The following CFAP54 variants were observed in gnomAD, a reference collection of about 807,000 sequenced individuals.
The protein encoded by CFAP54 is cilia and flagella associated protein 54, also known as cilia- and flagella-associated protein 54.
Under a neutral mutation model 370.4 loss-of-function variants are expected in CFAP54, and 290 were observed. The observed-to-expected ratio is 0.78, with a 90% CI of 0.71 to 0.86. CFAP54 has a LOEUF of 0.86. Ranked by LOEUF, CFAP54 falls within the 40% of genes least tolerant of loss-of-function variation. The probability of loss-of-function intolerance (pLI) is 0.00; values close to 1 mark genes in which losing one functional copy is unlikely to be tolerated. For synonymous variants in CFAP54, 1,206 were observed against 1,236.5 expected, an observed-to-expected ratio of 0.98 and a Z score of 0.52; for missense variants, 3,399 against 3,528.7, an observed-to-expected ratio of 0.96 and a Z score of 0.93.
At chr12:96,512,520 A>G (rs1955184742) in intron 4 of CFAP54, among the ~76,000 whole-genome samples, 1 of 151,388 alleles carries the variant, frequency 6.6e-6, no homozygotes, top group Admixed American at 6.6e-5. Flanking sequence ...TTTTTGTATT[A>G]TTAGTAGAAA....
chr12:96,779,114 A>C (rs1958555831), intron 60 of CFAP54, among the ~76,000 whole-genome samples: 2 of 151,784 alleles, frequency 1.3e-5, no homozygotes, highest in African/African-American at 4.8e-5. Flanking sequence ...TCTCAAAAAA[A>C]AAAAAAAAAA....
chr12:96,626,036 T>C (rs1956546239), intron 29 of CFAP54, among the ~76,000 whole-genome samples: 1 of 152,166 alleles, frequency 6.6e-6, no homozygotes, highest in South Asian at 2.1e-4. Flanking sequence ...GATGGTGGCT[T>C]ATTTTGGTAG....
intron 40 of CFAP54, 55 bp from the exon 41 acceptor site, chr12:96,684,593 A>T: frequency 1.4e-6 from 2 of 1,472,968 alleles, no homozygotes; most frequent in Non-Finnish European, 9.3e-7. Flanking sequence ...TGCAAATATA[A>T]AAAAATATTT....
intron 44 of CFAP54, among the ~76,000 whole-genome samples, chr12:96,691,980 G>T (rs867090221): frequency 6.7e-6 from 1 of 148,878 alleles, no homozygotes; most frequent in Admixed American, 6.7e-5. Flanking sequence ...TTATTTTTTC[G>T]CATCTCTTTT....
chr12:96,772,062 A>G (rs1958468362), intron 60 of CFAP54, among the ~76,000 whole-genome samples: 1 of 152,226 alleles, frequency 6.6e-6, no homozygotes, highest in Non-Finnish European at 1.5e-5. Context: ...TCTAATATGT[A>G]TGGAGTGTTT....
chr12:96,832,259 CT>C (rs1287744940), intron 66 of CFAP54, among the ~76,000 whole-genome samples: 1 of 106,892 alleles, frequency 9.4e-6, no homozygotes, highest in Non-Finnish European at 2.0e-5. Context: ...TGCTTTAAAG[CT>C]TTTTCTTTTG....
chr12:96,830,391 ATAG>A (rs1394066803), intron 66 of CFAP54, among the ~76,000 whole-genome samples: 2 of 152,096 alleles, frequency 1.3e-5, no homozygotes, highest in Non-Finnish European at 2.9e-5. Flanking sequence ...TGTGTGTTTA[ATAG>A]TAGTCATCCT....
chr12:96,868,379 G>A (rs1960061269), intron 67 of CFAP54, among the ~76,000 whole-genome samples: 1 of 146,158 alleles, frequency 6.8e-6, no homozygotes. Context: ...ATATTTTTCT[G>A]TTGTCATGCT....
chr12:96,704,907 A>G, intron 47 of CFAP54, 111 bp downstream of exon 47: 1 of 377,746 alleles, frequency 2.6e-6, no homozygotes, highest in Non-Finnish European at 5.0e-6. Context: ...CTGCTGTGTA[A>G]TATTCTTTTC....
chr12:96,794,208 A>G (rs942553141), intron 63 of CFAP54, among the ~76,000 whole-genome samples: 1 of 152,172 alleles, frequency 6.6e-6, no homozygotes, highest in Non-Finnish European at 1.5e-5. Context: ...CCTGATGACT[A>G]TGTGCTTAGA....
At chr12:96,603,373 C>G (rs1397980954) in intron 26 of CFAP54, among the ~76,000 whole-genome samples, 1 of 152,194 alleles carries the variant, frequency 6.6e-6, no homozygotes, top group Admixed American at 6.5e-5. Context: ...ACCTTTCTCT[C>G]TGGCTGCCCT....
At chr12:96,606,472 A>G (rs572111956) in intron 26 of CFAP54, among the ~76,000 whole-genome samples, 9 of 152,358 alleles carry the variant, frequency 5.9e-5, no homozygotes, top group African/African-American at 2.2e-4. Context: ...AAATATGGGA[A>G]AACAATTAAA....
At chr12:96,755,966 A>G (rs1958253009) in intron 56 of CFAP54, among the ~76,000 whole-genome samples, 1 of 152,088 alleles carries the variant, frequency 6.6e-6, no homozygotes, top group African/African-American at 2.4e-5. Context: ...ACGGCCAGCC[A>G]TATCACGTTT....
intron 8 of CFAP54, among the ~76,000 whole-genome samples, chr12:96,526,707 T>G (rs1955385535): frequency 6.6e-6 from 1 of 152,074 alleles, no homozygotes; most frequent in Non-Finnish European, 1.5e-5. Context: ...AATGCTGCCT[T>G]GGAAACACAA....
intron 30 of CFAP54, among the ~76,000 whole-genome samples, chr12:96,627,957 A>G (rs915092226): frequency 6.6e-6 from 1 of 152,238 alleles, no homozygotes; most frequent in African/African-American, 2.4e-5. Context: ...TTTATACTGT[A>G]CTTTTTCCAT....
chr12:96,505,406 A>G (rs571006531), intron 3 of CFAP54, among the ~76,000 whole-genome samples: 2 of 151,072 alleles, frequency 1.3e-5, no homozygotes, highest in Admixed American at 6.6e-5. Context: ...TCCACTACCC[A>G]TTGACTTTGC....
At chr12:96,609,376 T>A (rs1356143127) in intron 26 of CFAP54, among the ~76,000 whole-genome samples, 2 of 152,232 alleles carry the variant, frequency 1.3e-5, no homozygotes, top group African/African-American at 2.4e-5. Flanking sequence ...AGGCATTTGA[T>A]AACACTTAGT....
chr12:96,777,601 G>A (rs777380091), intron 60 of CFAP54, among the ~76,000 whole-genome samples: 2 of 151,986 alleles, frequency 1.3e-5, no homozygotes, highest in African/African-American at 2.4e-5. Context: ...CACCCACCTC[G>A]GCCTCCCAAA....
At chr12:96,526,139 A>G (rs1293619241) in intron 8 of CFAP54, among the ~76,000 whole-genome samples, 3 of 152,200 alleles carry the variant, frequency 2.0e-5, no homozygotes, top group Non-Finnish European at 4.4e-5. Context: ...AAGAAGAGAA[A>G]TAAAAGCAAG....
Sources: allele counts gnomAD v4.1 joint callset (sites outside exome capture counted in the v4.1 genomes callset), GRCh38; gene constraint gnomAD v4.1.1; transcripts MANE v1.5; gene names NCBI Gene and HGNC (gene_info 2026-07-23, HGNC 2026-07-21).